SLC9A1: variants seen among roughly 807,000 people sequenced by gnomAD.
The protein encoded by SLC9A1 is solute carrier family 9 member A1, also known as sodium/hydrogen exchanger 1.
In SLC9A1, 22 loss-of-function variants were observed where a neutral mutation model predicts 67.9. The ratio of observed to expected loss-of-function variants is 0.32; its 90% CI spans 0.23 to 0.46. The LOEUF is 0.46. Ranked by LOEUF, SLC9A1 falls within the 20% of genes least tolerant of loss-of-function variation. SLC9A1 has a pLI of 1.00. For synonymous variants in SLC9A1, 421 were observed against 471.8 expected, an observed-to-expected ratio of 0.89 and a Z score of 1.40; for missense variants, 686 against 1,094.8, an observed-to-expected ratio of 0.63 and a Z score of 5.27.
chr1:27,139,517 C>T (rs1321681353), intron 1 of SLC9A1, among the ~76,000 whole-genome samples: 1 of 151,550 alleles, frequency 6.6e-6, no homozygotes. Context: ...AAGCCAGGCA[C>T]TGGCAGGGTC....
At chr1:27,142,282 G>A (rs1420297414) in intron 1 of SLC9A1, among the ~76,000 whole-genome samples, 1 of 152,200 alleles carries the variant, frequency 6.6e-6, no homozygotes, top group East Asian at 1.9e-4. Context: ...ATTAATTCAC[G>A]AGTGGCCTGG....
intron 2 of SLC9A1, among the ~76,000 whole-genome samples, chr1:27,110,187 C>T (rs924528923): frequency 6.6e-6 from 1 of 152,194 alleles, no homozygotes; most frequent in East Asian, 1.9e-4. Flanking sequence ...ATCAAGTGCT[C>T]GGAGCCTTAC....
At chr1:27,102,587 C>T (rs756572008) in intron 7 of SLC9A1, 29 bp from the exon 8 acceptor site, 10 of 1,609,194 alleles carry the variant, frequency 6.2e-6, no homozygotes, top group African/African-American at 5.3e-5. Flanking sequence ...AGACGGATGG[C>T]GCCAGCTTCC....
rs370494695 is a variant in SLC9A1 at position 27,133,629 on chromosome 1, C to T, written c.353-19343G>A. ...GTTAGGACGGGAAGGGTGCTATGTG[C>T]CCTATTGGGTCAGCATCTCCCGCCC... On this transcript the variant is annotated intron_variant, in intron 1 of 11. Transcript: ENST00000263980. 2.0e-5 allele frequency among the ~76,000 whole-genome samples: 3 copies of T among 152,056 alleles called. No homozygotes were observed. The East Asian group carries it at 5.8e-4, about 29-fold the overall frequency.
intron 1 of SLC9A1, among the ~76,000 whole-genome samples, chr1:27,126,615 G>A (rs764030550): frequency 2.2e-4 from 33 of 152,084 alleles, no homozygotes; most frequent in Non-Finnish European, 4.4e-4. Context: ...TGGTTGGTCT[G>A]TCTCCCCCTC....
At chr1:27,138,604 A>C (rs1443870697) in intron 1 of SLC9A1, among the ~76,000 whole-genome samples, 3 of 152,098 alleles carry the variant, frequency 2.0e-5, no homozygotes, top group Non-Finnish European at 4.4e-5. Context: ...CGTTTGATCT[A>C]GGGCCTGAAG....
chr1:27,129,685 A>C (rs1453631822), intron 1 of SLC9A1, among the ~76,000 whole-genome samples: 1 of 152,186 alleles, frequency 6.6e-6, no homozygotes, highest in Non-Finnish European at 1.5e-5. Context: ...GTTACACAGC[A>C]AAGTGGTAGC....
chr1:27,103,617 G>A (rs1328268141), intron 5 of SLC9A1: 2 of 406,900 alleles, frequency 4.9e-6, no homozygotes, highest in African/African-American at 4.0e-5. Context: ...CCACAGACTT[G>A]CTCTGCAACC....
intron 1 of SLC9A1, among the ~76,000 whole-genome samples, chr1:27,148,786 G>A (rs2083505890): frequency 6.6e-6 from 1 of 152,210 alleles, no homozygotes; most frequent in Non-Finnish European, 1.5e-5. Flanking sequence ...GCTCCCAACA[G>A]AGGCTGCCTC....
chr1:27,123,850 G>A (rs901704581), intron 1 of SLC9A1, among the ~76,000 whole-genome samples: 15 of 148,934 alleles, frequency 1.0e-4, no homozygotes, highest in African/African-American at 2.7e-4. Flanking sequence ...TTTTTGAGAC[G>A]GAGTCCCGCA....
At position 27,101,646 on chromosome 1, in the gene SLC9A1, G is replaced by T. The variant is rs2083145535; in HGVS notation, c.2037+79C>A. The T allele has an allele frequency of 2.0e-6, 2 of 1,017,708 alleles. No individual in the cohort carries two copies. Among genetic ancestry groups the T allele is most frequent in the Non-Finnish European group, 3.0e-6 (2 of 661,450 alleles). The allele number at this position is 1,017,708 out of a possible 1,614,324, so 63.0% of individuals were successfully genotyped here. ...AAAGCCAAACCCTGTTCCTAGAATGGGTACATTTCCTTAGAGGCTGTGGCG... is the reference window on the plus strand; with the variant it reads ...AAAGCCAAACCCTGTTCCTAGAATGTGTACATTTCCTTAGAGGCTGTGGCG... On this transcript the variant is annotated intron_variant, in intron 10 of 11. Transcript: ENST00000263980. The surrounding 1 kb of genome is among the most constrained non-coding windows in gnomAD (Gnocchi z 4.9).
At chr1:27,117,220 G>A (rs2083277802) in intron 1 of SLC9A1, among the ~76,000 whole-genome samples, 2 of 152,162 alleles carry the variant, frequency 1.3e-5, no homozygotes, top group African/African-American at 4.8e-5. Flanking sequence ...GAGATAAGCA[G>A]GATGAAGATT....
chr1:27,108,128 GCGATCTTGGCTCA>G (rs2083202829), intron 3 of SLC9A1, among the ~76,000 whole-genome samples: 2 of 148,702 alleles, frequency 1.3e-5, no homozygotes, highest in South Asian at 4.2e-4. Flanking sequence ...GAGCAGTGGC[GCGATCTTGGCTCA>G]CTGCAACCTC....
Position 27,101,378 on chromosome 1 carries a change from C to T in SLC9A1, c.2038-103G>A, listed in dbSNP as rs533948791. ...CACCCCACCTTTCGTATATGCAGGG[C>T]GCTTGCTCCCCCTCCCTTGTGCCTG... is the stretch of plus-strand genomic sequence containing the variant. On this transcript the variant is annotated intron_variant, in intron 10 of 11. Coordinates refer to ENST00000263980, the MANE Select transcript of SLC9A1 (RefSeq NM_003047.5). This position sits in a 1 kb window ranked among gnomAD's most constrained non-coding sequence, Gnocchi z 4.9. The T allele has an allele frequency of 3.2e-5, 28 of 865,984 alleles. No homozygotes were observed. In the African/African-American group the frequency reaches 3.6e-4, roughly 11 times the overall value. The allele number at this position is 865,984 out of a possible 1,614,324, so 53.6% of individuals were successfully genotyped here.
chr1:27,131,949 T>TA (rs200128151), intron 1 of SLC9A1, among the ~76,000 whole-genome samples: 3 of 25,318 alleles, frequency 1.2e-4, no homozygotes, highest in African/African-American at 2.9e-4. Flanking sequence ...AAAAAAAAAA[T>TA]ATATATATAT....
In SLC9A1 at chr1:27,142,182, A is replaced by G. The variant is rs1180865651; in HGVS notation, c.352+11801T>C. Among the ~76,000 whole-genome samples, 3 of 152,200 alleles carry G rather than the reference A, an allele frequency of 2.0e-5. No individual in the cohort carries two copies. In the East Asian group the frequency reaches 5.8e-4, roughly 29 times the overall value. ...GCTACCAATATCCAAGCCAAAAACC[A>G]CAGCCCCTCCTCTCGGTCCACTGTC... On this transcript the variant is annotated intron_variant, in intron 1 of 11. Coordinates refer to ENST00000263980, the MANE Select transcript of SLC9A1 (RefSeq NM_003047.5).
rs549206853 is a variant in SLC9A1 at position 27,147,352 on chromosome 1, G to T, written c.352+6631C>A. On this transcript the variant is annotated intron_variant, in intron 1 of 11. Transcript: ENST00000263980. ...GAAAAAAATACAAAAATTAGCTGGG[G>T]GTGGTGGCGCATGCCTGTAGTCCCA... is the stretch of plus-strand genomic sequence containing the variant. Among the ~76,000 whole-genome samples, 4 of 147,752 alleles carry T rather than the reference G, an allele frequency of 2.7e-5. No individual in the cohort carries two copies. In the South Asian group the frequency reaches 8.6e-4, roughly 32 times the overall value.
chr1:27,131,492 G>A (rs930262466), intron 1 of SLC9A1, among the ~76,000 whole-genome samples: 2 of 143,588 alleles, frequency 1.4e-5, no homozygotes, highest in Non-Finnish European at 3.0e-5. Context: ...GCTGATGCCT[G>A]TAATCCGAGT....
chr1:27,103,675 C>G (rs545344693), intron 5 of SLC9A1: 1 of 299,112 alleles, frequency 3.3e-6, no homozygotes, highest in East Asian at 6.8e-5. Flanking sequence ...TCTGCACTGC[C>G]TCCCCACCAG....
Sources: allele counts gnomAD v4.1 joint callset (sites outside exome capture counted in the v4.1 genomes callset), GRCh38; gene constraint gnomAD v4.1.1; non-coding constraint Gnocchi (gnomAD v3.1); transcripts MANE v1.5; gene names NCBI Gene and HGNC (gene_info 2026-07-23, HGNC 2026-07-21).